PSME3IP1: variants seen among roughly 807,000 people sequenced by gnomAD.
PSME3IP1 encodes PSME3-interacting protein.
In PSME3IP1, 13 loss-of-function variants were observed where a neutral mutation model predicts 34.1. That is an observed-to-expected ratio of 0.38 (90% CI 0.25 to 0.61). The LOEUF (loss-of-function observed/expected upper bound fraction) is 0.61, where lower values mean the gene tolerates loss of function less well. Ranked by LOEUF, PSME3IP1 falls within the 20% of genes least tolerant of loss-of-function variation. The pLI, the probability that PSME3IP1 is intolerant of heterozygous loss-of-function variation, is 0.60. For synonymous variants in PSME3IP1, 93 were observed against 114.3 expected (o/e 0.81, Z 1.19); for missense variants, 237 against 301.4 (o/e 0.79, Z 1.58).
intron 4 of PSME3IP1, among the ~76,000 whole-genome samples, chr16:57,167,817 T>C (rs1661932708): frequency 6.6e-6 from 1 of 152,210 alleles, no homozygotes; most frequent in African/African-American, 2.4e-5. Context: ...CTGAAGGTGA[T>C]TTTACACTTG....
intron 6 of PSME3IP1, among the ~76,000 whole-genome samples, chr16:57,160,106 A>C (rs920275777): frequency 6.6e-6 from 1 of 151,990 alleles, no homozygotes; most frequent in Non-Finnish European, 1.5e-5. Flanking sequence ...CTGGCTAACA[A>C]GGTGAAACCC....
upstream of PSME3IP1, chr16:57,186,045 C>T (rs2074153629): frequency 5.1e-6 from 5 of 985,382 alleles, no homozygotes; most frequent in African/African-American, 5.2e-5. Flanking sequence ...ACAATAGAGT[C>T]CCGCCCCACT....
chr16:57,159,909 G>T (rs1057231118), intron 6 of PSME3IP1, among the ~76,000 whole-genome samples: 2 of 152,152 alleles, frequency 1.3e-5, no homozygotes, highest in Non-Finnish European at 2.9e-5. Context: ...AGGCTCACGT[G>T]GGGGATTACC....
intron 6 of PSME3IP1, among the ~76,000 whole-genome samples, chr16:57,160,748 C>CAATA (rs1396377636): frequency 1.3e-5 from 2 of 152,178 alleles, no homozygotes; most frequent in Non-Finnish European, 2.9e-5. Context: ...TCCCAAGGTA[C>CAATA]AATAACTGCT....
At chr16:57,174,471 G>A (rs1474294133) in intron 1 of PSME3IP1, 2 of 985,412 alleles carry the variant, frequency 2.0e-6, no homozygotes, top group East Asian at 1.1e-4. Flanking sequence ...TCATATTGCA[G>A]CTATTTCTCT....
rs536957244 is a variant in PSME3IP1, at chr16:57,178,169, T to C, written c.-15-4300A>G. On this transcript the variant is annotated intron_variant, in intron 1 of 6. Transcript: ENST00000309137. ...TGCATCTTTTTTCAAATTAGCATTT[T>C]CTTCTGTAGGTCTTCATTCTCTGCA... 2.6e-5 allele frequency among the ~76,000 whole-genome samples: 4 copies of C among 152,374 alleles called. No individual in the cohort carries two copies. In the South Asian group the frequency reaches 8.3e-4, roughly 32 times the overall value.
At chr16:57,180,239 C>T (rs1261057200) in intron 1 of PSME3IP1, among the ~76,000 whole-genome samples, 1 of 152,192 alleles carries the variant, frequency 6.6e-6, no homozygotes, top group Non-Finnish European at 1.5e-5. Context: ...CTATGAAACA[C>T]ATACAATAAA....
In PSME3IP1 at chr16:57,154,315, G is replaced by C; in HGVS notation, c.740C>G (p.Thr247Ser). ...TGKIVSSIFR[T>S]NTFLEAP ...CTAGGGGGCCTCGAGGAAGGTGTTG[G>C]TTCGGAAGATGGAGGAGACAATCTT... The change falls in exon 7 of 7, where the codon ACC (threonine) becomes AGC (serine). Residue 247 changes from threonine to serine, a missense_variant. By Grantham distance (58) the Thr-to-Ser change is moderately conservative. Coordinates refer to ENST00000309137, the MANE Select transcript of PSME3IP1 (RefSeq NM_024946.4). This position sits in a 1 kb window ranked among gnomAD's most constrained non-coding sequence, Gnocchi z 4.0. 1 of 1,614,080 alleles carries C rather than the reference G, an allele frequency of 6.2e-7. No homozygotes were observed. The highest frequency in any genetic ancestry group is 8.5e-7 in the Non-Finnish European group (1 of 1,180,028).
At chr16:57,163,033 C>T (rs376498571) in intron 6 of PSME3IP1, among the ~76,000 whole-genome samples, 11 of 152,130 alleles carry the variant, frequency 7.2e-5, no homozygotes, top group African/African-American at 2.4e-4. Flanking sequence ...GGTGTGGTGG[C>T]GCACGCCTGT....
chr16:57,185,925 G>T lies in PSME3IP1; in HGVS notation c.-120C>A, dbSNP rs1340491213. 1.0e-6 allele frequency: 1 copy of T among 975,750 alleles called. No homozygotes were observed. The highest frequency in any genetic ancestry group is 6.5e-5 in the Admixed American group (1 of 15,406). The allele number at this position is 975,750 out of a possible 1,614,324, so 60.4% of individuals were successfully genotyped here. A position where few individuals can be genotyped will look rare whatever the true frequency, so the allele number is the denominator to read the frequency against. ...AAAAAAGAAAAAAAAATGAAAGGAA[G>T]AAAGAAAGAAACAGAGGAAGGAATG... On this transcript the variant is annotated 5_prime_UTR_variant, in exon 1 of 7. Coordinates refer to ENST00000309137, the MANE Select transcript of PSME3IP1 (RefSeq NM_024946.4).
intron 6 of PSME3IP1, 80 bp downstream of exon 6, chr16:57,163,921 G>A (rs201604793): frequency 5.2e-6 from 7 of 1,333,496 alleles, no homozygotes; most frequent in Non-Finnish European, 7.5e-6. Flanking sequence ...GCATTCATTT[G>A]CAGAAGCAAT....
intron 1 of PSME3IP1, among the ~76,000 whole-genome samples, chr16:57,183,835 TCTGACAACTAC>T (rs2073933664): frequency 6.6e-6 from 1 of 151,732 alleles, no homozygotes; most frequent in South Asian, 2.1e-4. Context: ...GGGAGTGGAG[TCTGACAACTAC>T]CTCCCTCTCC....
chr16:57,167,672 A>G (rs754560763), intron 4 of PSME3IP1, among the ~76,000 whole-genome samples: 47 of 152,344 alleles, frequency 3.1e-4, no homozygotes, highest in Middle Eastern at 3.4e-3. Flanking sequence ...GACATCACGA[A>G]GACTAACTCC....
intron 3 of PSME3IP1, 67 bp from the exon 4 acceptor site, chr16:57,172,439 C>G: frequency 6.5e-7 from 1 of 1,537,862 alleles, no homozygotes; most frequent in Non-Finnish European, 8.8e-7. Context: ...TTCCTTTCCC[C>G]TTTTTAAATA....
chr16:57,156,842 TC>T (rs1480277204), intron 6 of PSME3IP1, among the ~76,000 whole-genome samples: 12 of 152,308 alleles, frequency 7.9e-5, no homozygotes, highest in African/African-American at 2.9e-4. Context: ...ACAGCAAACT[TC>T]ATTTGCTGTT....
In PSME3IP1 at chr16:57,153,904, A is replaced by G. The variant is rs2070200480; in HGVS notation, c.*386T>C. On this transcript the variant is annotated 3_prime_UTR_variant, in exon 7 of 7. Transcript: ENST00000309137. ...AGAATGTTTAAATAACACCTGTCCA[A>G]TAACTGCCCTTACTTCTTTGTGCTG... is the stretch of plus-strand genomic sequence containing the variant. 1.4e-5 allele frequency: 3 copies of G among 218,250 alleles called. No individual in the cohort carries two copies. The East Asian group carries it at 3.8e-4, about 27-fold the overall frequency. The allele number at this position is 218,250 out of a possible 1,614,324, so 13.5% of individuals were successfully genotyped here. A position where few individuals can be genotyped will look rare whatever the true frequency, so the allele number is the denominator to read the frequency against.
chr16:57,161,355 C>T (rs1463470519), intron 6 of PSME3IP1, among the ~76,000 whole-genome samples: 1 of 152,144 alleles, frequency 6.6e-6, no homozygotes, highest in African/African-American at 2.4e-5. Flanking sequence ...AATAAACCCA[C>T]ACATTTATGG....
chr16:57,180,151 T>C (rs1324960358), intron 1 of PSME3IP1, among the ~76,000 whole-genome samples: 1 of 152,166 alleles, frequency 6.6e-6, no homozygotes, highest in Non-Finnish European at 1.5e-5. Context: ...ATCTAAAAAC[T>C]AAACCACAGA....
In PSME3IP1 at chr16:57,173,612, G is replaced by C. The variant is rs530842561; in HGVS notation, c.127+116C>G. 64 of 1,257,802 alleles carry C rather than the reference G, an allele frequency of 5.1e-5. No homozygotes were observed. The East Asian group carries it at 1.6e-3, about 31-fold the overall frequency. 77.9% of individuals were successfully genotyped at this position (1,257,802 alleles called of 1,614,324 possible). On this transcript the variant is annotated intron_variant, in intron 2 of 6. Coordinates refer to ENST00000309137, the MANE Select transcript of PSME3IP1 (RefSeq NM_024946.4). ...CCACTGCACTCCAGCCTGGGCAACA[G>C]AGTGAGACTCCGTCTCAAAAAAATA... is the stretch of plus-strand genomic sequence containing the variant.
Sources: gnomAD v4.1 joint callset for allele counts (sites outside exome capture counted in the v4.1 genomes callset) on GRCh38, gnomAD v4.1.1 for gene constraint, Gnocchi (gnomAD v3.1) non-coding constraint, MANE v1.5 for transcripts, NCBI Gene and HGNC (gene_info 2026-07-23, HGNC 2026-07-21) for gene names.